TMCO5A: variants seen among roughly 807,000 people sequenced by gnomAD.
The protein encoded by TMCO5A is transmembrane and coiled-coil domain-containing protein 5A.
TMCO5A carries 34 observed loss-of-function variants against 42.3 expected under a neutral mutation model. The ratio of observed to expected loss-of-function variants is 0.80; its 90% CI spans 0.61 to 1.07. The LOEUF is 1.07. TMCO5A is among the 50% of genes least tolerant of loss of function. The pLI is 0.00. For missense variants in TMCO5A, 357 were observed against 327.9 expected (o/e 1.09, Z -0.69); for synonymous variants, 131 against 115.6 (o/e 1.13, Z -0.86).
intron 9 of TMCO5A, chr15:37,942,933 A>G (rs1223869538): frequency 6.5e-6 from 1 of 154,734 alleles, no homozygotes; most frequent in Non-Finnish European, 1.4e-5. Flanking sequence ...ATCAAGAACA[A>G]GAGATCAAAA....
the TMCO5A span, among the ~76,000 whole-genome samples, chr15:38,006,350 G>A: frequency 1.3e-5 from 2 of 152,202 alleles, no homozygotes; most frequent in Admixed American, 6.5e-5. Flanking sequence ...AGCAGGGAAA[G>A]TATTGAAATG....
intron 11 of TMCO5A, among the ~76,000 whole-genome samples, chr15:37,959,882 C>G (rs1890378980): frequency 6.6e-6 from 1 of 151,846 alleles, no homozygotes; most frequent in African/African-American, 2.4e-5. Context: ...AGAAAGAAGT[C>G]AAATTCTGCT....
intron 11 of TMCO5A, among the ~76,000 whole-genome samples, chr15:37,961,031 G>T (rs1356787851): frequency 6.6e-6 from 1 of 152,114 alleles, no homozygotes; most frequent in Non-Finnish European, 1.5e-5. Flanking sequence ...CCATACAAAA[G>T]CTCTTTAGTT....
chr15:38,025,011 G>C, the TMCO5A span: 1 of 152,306 alleles, frequency 6.6e-6, no homozygotes, highest in Non-Finnish European at 1.5e-5. Flanking sequence ...AATGTCTGTT[G>C]TTCATAAGCC....
downstream of TMCO5A, among the ~76,000 whole-genome samples, chr15:37,955,828 T>C (rs1890274284): frequency 6.6e-6 from 1 of 152,122 alleles, no homozygotes; most frequent in African/African-American, 2.4e-5. Context: ...ATTCCAAAAT[T>C]GACCACATAA....
At chr15:37,998,274 CCAGA>C in the TMCO5A span, among the ~76,000 whole-genome samples, 1 of 152,076 alleles carries the variant, frequency 6.6e-6, no homozygotes, top group South Asian at 2.1e-4. Context: ...AAATTTTTGC[CCAGA>C]CAAATGTCCT....
At chr15:37,980,251 A>G in the TMCO5A span, among the ~76,000 whole-genome samples, 1 of 152,116 alleles carries the variant, frequency 6.6e-6, no homozygotes, top group African/African-American at 2.4e-5. Context: ...TTCAGCCTCT[A>G]TCCCAGGGAG....
chr15:37,954,327 A>G (rs997222613), downstream of TMCO5A, among the ~76,000 whole-genome samples: 5 of 152,184 alleles, frequency 3.3e-5, no homozygotes, highest in African/African-American at 1.2e-4. Flanking sequence ...AAAATAATGT[A>G]CAATGGAGCT....
downstream of TMCO5A, among the ~76,000 whole-genome samples, chr15:37,972,270 T>C (rs2382050): frequency 0.021 from 3,162 of 152,252 alleles, 46 homozygotes; most frequent in Middle Eastern, 0.034. Flanking sequence ...TTATTCACTA[T>C]CATGAGGACA....
chr15:38,038,770 C>T, the TMCO5A span, among the ~76,000 whole-genome samples: 2 of 152,164 alleles, frequency 1.3e-5, no homozygotes, highest in African/African-American at 4.8e-5. Context: ...ACATTCATTT[C>T]CCATCAATTT....
chr15:37,974,158 T>C, the TMCO5A span, among the ~76,000 whole-genome samples: 1,506 of 152,270 alleles, frequency 9.9e-3, 25 homozygotes, highest in African/African-American at 0.034. Context: ...CTGGATTTTG[T>C]TTGCTGATAT....
chr15:37,994,712 G>T, the TMCO5A span: 4 of 152,268 alleles, frequency 2.6e-5, no homozygotes, highest in East Asian at 7.7e-4. Flanking sequence ...ATCGTCATCA[G>T]CCCGTATTCA....
At chr15:38,035,750 T>G in the TMCO5A span, among the ~76,000 whole-genome samples, 2 of 152,284 alleles carry the variant, frequency 1.3e-5, no homozygotes, top group Admixed American at 1.3e-4. Context: ...CCCTCAAAGT[T>G]TATTTGCTTG....
the TMCO5A span, among the ~76,000 whole-genome samples, chr15:38,015,814 CT>C: frequency 5.3e-5 from 8 of 152,110 alleles, no homozygotes; most frequent in Non-Finnish European, 8.8e-5. Context: ...ACTGAAAAGG[CT>C]TTTTACTATA....
exon 12 of TMCO5A, chr15:37,967,671 G>A (rs900557678): frequency 8.5e-5 from 13 of 152,178 alleles, no homozygotes; most frequent in African/African-American, 3.1e-4. Context: ...CTGCAGTGAA[G>A]TATATCTTTT....
At chr15:38,010,456 C>CAGG in the TMCO5A span, among the ~76,000 whole-genome samples, 1 of 145,392 alleles carries the variant, frequency 6.9e-6, no homozygotes, top group Non-Finnish European at 1.5e-5. Context: ...CACACACACA[C>CAGG]AGGAAGGGGC....
At chr15:37,995,833 T>A in the TMCO5A span, among the ~76,000 whole-genome samples, 1 of 150,544 alleles carries the variant, frequency 6.6e-6, no homozygotes, top group African/African-American at 2.5e-5. Context: ...TGGACTGTTA[T>A]GCAATCCCCT....
At chr15:38,015,197 A>C in the TMCO5A span, among the ~76,000 whole-genome samples, 1 of 152,086 alleles carries the variant, frequency 6.6e-6, no homozygotes, top group Admixed American at 6.6e-5. Context: ...TTTTGGCAAC[A>C]CCCTCATAGA....
At chr15:38,018,414 A>G in the TMCO5A span, among the ~76,000 whole-genome samples, 1 of 152,224 alleles carries the variant, frequency 6.6e-6, no homozygotes, top group African/African-American at 2.4e-5. Flanking sequence ...GTTTCAAAAA[A>G]GAAAGCCATT....
Sources: allele counts gnomAD v4.1 joint callset (sites outside exome capture counted in the v4.1 genomes callset), GRCh38; gene constraint gnomAD v4.1.1; transcripts MANE v1.5; gene names NCBI Gene and HGNC (gene_info 2026-07-23, HGNC 2026-07-21).